The following KIDINS220 variants were observed in gnomAD, a reference collection of about 807,000 sequenced individuals.
The protein encoded by KIDINS220 is kinase D interacting substrate 220.
Under a neutral mutation model 157.6 loss-of-function variants are expected in KIDINS220, and 63 were observed. The observed-to-expected ratio is 0.40, with a 90% CI of 0.33 to 0.49. KIDINS220 has a LOEUF of 0.49. Among genes scored for constraint, KIDINS220 ranks in the 20% least tolerant of loss-of-function variants. The pLI is 0.66. For missense variants in KIDINS220, 1,772 were observed against 2,171.2 expected (o/e 0.82, Z 3.65); for synonymous variants, 732 against 783.6 (o/e 0.93, Z 1.10).
At chr2:8,777,375 T>C (rs538305999) in intron 20 of KIDINS220, among the ~76,000 whole-genome samples, 52 of 152,336 alleles carry the variant, frequency 3.4e-4, no homozygotes, top group African/African-American at 1.3e-3. Flanking sequence ...CATAGCTCGC[T>C]GCAACCTGGA....
chr2:8,795,513 G>A (rs1001896076), intron 11 of KIDINS220, among the ~76,000 whole-genome samples: 7 of 152,162 alleles, frequency 4.6e-5, no homozygotes, highest in Non-Finnish European at 1.5e-5. Flanking sequence ...AATTCTCTAT[G>A]AAGATCCAGG....
chr2:8,786,337 T>C lies in KIDINS220; in HGVS notation c.1808A>G (p.Asn603Ser), dbSNP rs558589087. The C allele has an allele frequency of 1.2e-5, 20 of 1,613,440 alleles. No homozygotes were observed. The South Asian group carries it at 1.8e-4, about 14-fold the overall frequency. The change falls in exon 16 of 30, where the codon AAT (asparagine) becomes AGT (serine). Residue 603 changes from asparagine (N) to serine (S), a missense_variant. Physicochemically the swap from Asn to Ser is conservative, Grantham distance 46 (BLOSUM62 1). Transcript: ENST00000256707. ...LPVRFLFTDYNRLSSVGGETS... is the reference protein window; with the variant it reads ...LPVRFLFTDYSRLSSVGGETS... ...TTCTCCACCTACACTGGACAGTCTA[T>C]TGTAATCTGTAAACAAAAACCTTGA...
At chr2:8,827,390 A>C (rs1678962778) in intron 1 of KIDINS220, among the ~76,000 whole-genome samples, 2 of 151,852 alleles carry the variant, frequency 1.3e-5, no homozygotes, top group South Asian at 4.2e-4. Context: ...CCACTCCAAA[A>C]TGCTCCCCTG....
chr2:8,811,024 T>C (rs922176147), intron 6 of KIDINS220, among the ~76,000 whole-genome samples: 4 of 152,206 alleles, frequency 2.6e-5, no homozygotes, highest in Non-Finnish European at 5.9e-5. Context: ...ACTGTACTAC[T>C]TGATGATTTT....
At chr2:8,823,823 TA>T (rs960342822) in intron 2 of KIDINS220, among the ~76,000 whole-genome samples, 1 of 152,182 alleles carries the variant, frequency 6.6e-6, no homozygotes. Context: ...CCTCCAATTA[TA>T]AATGTTATAT....
chr2:8,773,192 G>A (rs1464751682), intron 21 of KIDINS220, among the ~76,000 whole-genome samples: 3 of 152,136 alleles, frequency 2.0e-5, no homozygotes, highest in Non-Finnish European at 4.4e-5. Context: ...AGACATAAAA[G>A]ACAAATATCT....
At chr2:8,808,323 AC>A (rs34461904) in intron 6 of KIDINS220, among the ~76,000 whole-genome samples, 37 of 152,168 alleles carry the variant, frequency 2.4e-4, no homozygotes, top group African/African-American at 1.2e-4. Context: ...ATAGAAAATC[AC>A]CCTTCATAAA....
intron 1 of KIDINS220, among the ~76,000 whole-genome samples, chr2:8,832,822 A>C (rs1255010816): frequency 6.6e-6 from 1 of 152,174 alleles, no homozygotes; most frequent in Non-Finnish European, 1.5e-5. Context: ...CCCTAGAGCC[A>C]GACTACCTTG....
chr2:8,770,740 A>C lies in KIDINS220; in HGVS notation c.2941T>G (p.Trp981Gly). Residue 981 changes from tryptophan to glycine, a missense_variant, in exon 22 of 30, where the codon TGG becomes GGG. Trp to Gly is a radical substitution (Grantham distance 184). Coordinates refer to ENST00000256707, the MANE Select transcript of KIDINS220 (RefSeq NM_020738.4). ...GTCTCTTCCAAATATAATATGAGCCATGAAGTCCGGTATGGCCACTGCTCA... is the reference window on the plus strand; with the variant it reads ...GTCTCTTCCAAATATAATATGAGCCCTGAAGTCCGGTATGGCCACTGCTCA... ...LTEQWPYRTSWLILYLEETEG... is the reference protein window; with the variant it reads ...LTEQWPYRTSGLILYLEETEG... 6.2e-7 allele frequency: 1 copy of C among 1,612,486 alleles called. No individual in the cohort carries two copies. Among genetic ancestry groups the C allele is most frequent in the Non-Finnish European group, 8.5e-7 (1 of 1,178,742 alleles).
At chr2:8,821,964 C>G (rs909025826) in intron 2 of KIDINS220, among the ~76,000 whole-genome samples, 1 of 152,142 alleles carries the variant, frequency 6.6e-6, no homozygotes, top group African/African-American at 2.4e-5. Context: ...CCCCACACAT[C>G]CCAGCAAATT....
intron 9 of KIDINS220, 42 bp from the exon 10 acceptor site, chr2:8,798,342 A>G (rs1382647166): frequency 9.0e-7 from 1 of 1,117,304 alleles, no homozygotes; most frequent in South Asian, 1.3e-5. Context: ...TGTAAGATAC[A>G]ATATTTAAAA....
In KIDINS220 at chr2:8,791,242, C is replaced by G. The variant is rs757077886; in HGVS notation, c.1277-18G>C. On this transcript the variant is annotated intron_variant, in intron 12 of 29. Coordinates refer to ENST00000256707, the MANE Select transcript of KIDINS220 (RefSeq NM_020738.4). ...CAAGTGTCCTGTAATTAAAACACAT[C>G]ATATCTTACATTAAACAGTGGCATT... 5.0e-6 allele frequency: 8 copies of G among 1,596,716 alleles called. No homozygotes were observed. The highest frequency in any genetic ancestry group is 3.4e-5 in the Admixed American group (2 of 59,352).
At chr2:8,763,572 C>T (rs1441112911) in intron 22 of KIDINS220, among the ~76,000 whole-genome samples, 1 of 152,184 alleles carries the variant, frequency 6.6e-6, no homozygotes, top group Non-Finnish European at 1.5e-5. Flanking sequence ...TTAGCTACTA[C>T]TTTTATTAGA....
intron 21 of KIDINS220, among the ~76,000 whole-genome samples, chr2:8,772,233 T>C (rs1360148244): frequency 6.6e-6 from 1 of 152,052 alleles, no homozygotes; most frequent in Non-Finnish European, 1.5e-5. Context: ...CCCAGCACTT[T>C]GGGAGGCAGA....
chr2:8,824,794 T>C (rs1477383024), intron 2 of KIDINS220, among the ~76,000 whole-genome samples: 1 of 152,162 alleles, frequency 6.6e-6, no homozygotes, highest in Admixed American at 6.5e-5. Context: ...CACAGATGAA[T>C]AGACCAAGAA....
intron 15 of KIDINS220, 90 bp from the exon 16 acceptor site, chr2:8,786,447 ATTTTCT>A (rs1030811658): frequency 9.6e-7 from 1 of 1,046,402 alleles, no homozygotes; most frequent in Non-Finnish European, 1.4e-6. Flanking sequence ...CTTACCCTTT[ATTTTCT>A]TTTTGTCTCT....
rs575768529 is a variant in KIDINS220, at chr2:8,822,709, G to A, written c.109-3916C>T. Among the ~76,000 whole-genome samples the A allele has an allele frequency of 3.3e-5, 5 of 152,256 alleles. 1 individual carries two copies. Among genetic ancestry groups the A allele is most frequent in the East Asian group, 1.9e-4 (1 of 5,184 alleles). ...AAAGTCTCAGTTCATTTTCTTAAAC[G>A]GGAAAAAAATGACCAGCCTCAACAC... On this transcript the variant is annotated intron_variant, in intron 2 of 29. Transcript: ENST00000256707.
rs188342762 is a variant in KIDINS220 at position 8,778,322 on chromosome 2, A to G, written c.2703+317T>C. On this transcript the variant is annotated intron_variant, in intron 20 of 29. Transcript: ENST00000256707. ...CCCTACTGCTATGGTGGCAACAGGC[A>G]TAGCTCAACCTGACCAGGAATGAAT... Among the ~76,000 whole-genome samples, 786 of 152,356 alleles carry G rather than the reference A, an allele frequency of 5.2e-3. 8 individuals carry two copies. Among genetic ancestry groups the G allele is most frequent in the Middle Eastern group, 0.024 (7 of 294 alleles).
At chr2:8,794,975 A>G (rs1673704628) in intron 11 of KIDINS220, among the ~76,000 whole-genome samples, 1 of 152,236 alleles carries the variant, frequency 6.6e-6, no homozygotes, top group Admixed American at 6.5e-5. Flanking sequence ...GGAGGATATA[A>G]AGATGTAAGA....
Sources: allele counts gnomAD v4.1 joint callset (sites outside exome capture counted in the v4.1 genomes callset), GRCh38; gene constraint gnomAD v4.1.1; transcripts MANE v1.5; gene names NCBI Gene and HGNC (gene_info 2026-07-23, HGNC 2026-07-21).